The following ANKDD1B variants were observed in gnomAD, a reference collection of about 807,000 sequenced individuals.
ANKDD1B encodes the protein ankyrin repeat and death domain containing 1B, also known as ankyrin repeat and death domain-containing protein 1B.
Under a neutral mutation model 59.7 loss-of-function variants are expected in ANKDD1B, and 57 were observed. That is an observed-to-expected ratio of 0.95 (90% CI 0.77 to 1.19). The LOEUF (loss-of-function observed/expected upper bound fraction) is 1.19. ANKDD1B is among the 50% of genes most tolerant of loss of function. The pLI is 0.00. For missense variants in ANKDD1B, 602 were observed against 641.9 expected (o/e 0.94, Z 0.67); for synonymous variants, 216 against 239.5 (o/e 0.90, Z 0.91).
Position 75,671,688 on chromosome 5 carries a change from A to G in ANKDD1B, c.*648A>G, listed in dbSNP as rs1775489572. ...ATATTACTTAGGAAAGACCAGAAGT[A>G]TGTACACCATTTTTTTTTTTTTTTA... On this transcript the variant is annotated 3_prime_UTR_variant, in exon 14 of 14. Transcript: ENST00000601380. The G allele has an allele frequency of 6.9e-6, 1 of 144,268 alleles. No individual in the cohort carries two copies. 8.9% of individuals were successfully genotyped at this position (144,268 alleles called of 1,614,324 possible).
chr5:75,634,402 A>C (rs143225880), intron 5 of ANKDD1B, among the ~76,000 whole-genome samples: 1 of 152,206 alleles, frequency 6.6e-6, no homozygotes, highest in African/African-American at 2.4e-5. Context: ...ATCTATGAAG[A>C]AGAAAGGAAG....
intron 1 of ANKDD1B, among the ~76,000 whole-genome samples, chr5:75,615,116 A>G (rs1003103378): frequency 4.6e-5 from 7 of 152,186 alleles, no homozygotes; most frequent in Non-Finnish European, 1.0e-4. Flanking sequence ...GAAGAATATG[A>G]AAAAGGGCTA....
chr5:75,648,441 A>G (rs896311719), intron 7 of ANKDD1B, among the ~76,000 whole-genome samples: 30 of 151,878 alleles, frequency 2.0e-4, no homozygotes, highest in African/African-American at 7.0e-4. Context: ...GGCTTACTCC[A>G]TTATTTTGTA....
At chr5:75,669,833 G>A (rs1404257392) in intron 13 of ANKDD1B, among the ~76,000 whole-genome samples, 3 of 152,142 alleles carry the variant, frequency 2.0e-5, no homozygotes, top group East Asian at 1.9e-4. Flanking sequence ...GAGCAGACAG[G>A]CTATTACTTT....
intron 7 of ANKDD1B, among the ~76,000 whole-genome samples, chr5:75,640,439 C>T (rs1774434493): frequency 6.6e-6 from 1 of 152,098 alleles, no homozygotes; most frequent in South Asian, 2.1e-4. Flanking sequence ...TTAACTGTGC[C>T]AAAGCATATA....
At chr5:75,667,025 G>A in intron 12 of ANKDD1B, 32 bp downstream of exon 12, 1 of 1,358,536 alleles carries the variant, frequency 7.4e-7, no homozygotes, top group Non-Finnish European at 9.6e-7. Context: ...TGGGCAGGAG[G>A]AATTCACTGT....
At chr5:75,658,309 C>T (rs922750141) in intron 9 of ANKDD1B, among the ~76,000 whole-genome samples, 1 of 152,200 alleles carries the variant, frequency 6.6e-6, no homozygotes, top group Non-Finnish European at 1.5e-5. Context: ...CATTGCCCAG[C>T]TCTGTGAGTC....
At chr5:75,659,593 A>C (rs755430047) in intron 10 of ANKDD1B, among the ~76,000 whole-genome samples, 1 of 152,236 alleles carries the variant, frequency 6.6e-6, no homozygotes, top group Admixed American at 6.5e-5. Context: ...GTGTTTTTAA[A>C]TTCAAATTCT....
At chr5:75,644,151 A>T (rs1774570974) in intron 7 of ANKDD1B, among the ~76,000 whole-genome samples, 1 of 101,522 alleles carries the variant, frequency 9.9e-6, no homozygotes, top group Non-Finnish European at 1.7e-5. Context: ...TCATGCCAAA[A>T]TGTAAAGACC....
chr5:75,613,827 T>TA (rs1476160419), intron 1 of ANKDD1B, among the ~76,000 whole-genome samples: 1 of 152,146 alleles, frequency 6.6e-6, no homozygotes, highest in Non-Finnish European at 1.5e-5. Flanking sequence ...TGACTGGACT[T>TA]AAAAACGATC....
At chr5:75,662,218 T>G (rs1250666981) in intron 10 of ANKDD1B, among the ~76,000 whole-genome samples, 1 of 152,166 alleles carries the variant, frequency 6.6e-6, no homozygotes, top group Non-Finnish European at 1.5e-5. Context: ...GTGATTCAAA[T>G]GGCTCTGCAA....
At position 75,669,155 on chromosome 5, in the gene ANKDD1B, A is replaced by C. The variant is rs142579812; in HGVS notation, c.1394-97A>C. On this transcript the variant is annotated intron_variant, in intron 12 of 13. Transcript: ENST00000601380. ...TTTTTTCGAAGAGGAACAGGCAAGC[A>C]AACAGTCATTCAGAAAGTTTAGTTG... is the stretch of plus-strand genomic sequence containing the variant. 126 of 1,175,870 alleles carry C rather than the reference A, an allele frequency of 1.1e-4. No individual in the cohort carries two copies. The Middle Eastern group carries it at 1.3e-3, about 12-fold the overall frequency. The allele number at this position is 1,175,870 out of a possible 1,614,324, so 72.8% of individuals were successfully genotyped here.
At position 75,669,278 on chromosome 5, in the gene ANKDD1B, C is replaced by T. The variant is rs1775407051; in HGVS notation, c.1420C>T (p.His474Tyr). 7 of 1,232,186 alleles carry T rather than the reference C, an allele frequency of 5.7e-6. 1 individual carries two copies. The highest frequency in any genetic ancestry group is 7.1e-6 in the Non-Finnish European group (7 of 987,982). The allele number at this position is 1,232,186 out of a possible 1,614,324, so 76.3% of individuals were successfully genotyped here. ...SGNESFREHG[H>Y]RALLIWLHGT... Reference sequence around the variant, plus strand: ...AAATGAAAGCTTCCGTGAACATGGCCACAGGGCTCTGCTTATCTGGCTACA... The same window carrying T: ...AAATGAAAGCTTCCGTGAACATGGCTACAGGGCTCTGCTTATCTGGCTACA... The change falls in exon 13 of 14, where the codon CAC becomes TAC. Residue 474 changes from histidine to tyrosine, a missense_variant. His to Tyr is a moderately conservative substitution (Grantham distance 83). Transcript: ENST00000601380.
Position 75,671,308 on chromosome 5 carries a change from G to A in ANKDD1B, c.*268G>A, listed in dbSNP as rs906856096. 19 of 260,718 alleles carry A rather than the reference G, an allele frequency of 7.3e-5. No individual in the cohort carries two copies. Among genetic ancestry groups the A allele is most frequent in the East Asian group, 4.0e-4 (6 of 15,184 alleles). The allele number at this position is 260,718 out of a possible 1,614,324, so 16.2% of individuals were successfully genotyped here. On this transcript the variant is annotated 3_prime_UTR_variant, in exon 14 of 14. Transcript: ENST00000601380. ...TCCATGTAATAAGATAATCTAGGAC[G>A]GTTTTGTATGTCATGTTTTTTTAAA...
At position 75,625,728 on chromosome 5, in the gene ANKDD1B, C is replaced by T. The variant is rs1362188492; in HGVS notation, c.478C>T (p.Gln160Ter). ...CATGCTGGTTAAAGCTGGAGCAGAC[C>T]AGAGAGCCAAGAATCAGGTAGGTAT... Reference protein sequence around the residue: ...MLMLVKAGADQRAKNQDGMSA... With the variant: ...MLMLVKAGAD The change falls in exon 4 of 14, where the codon CAG becomes TAG. Residue 160 changes from glutamine to a stop codon, truncating the protein, a stop_gained. Transcript: ENST00000601380. LOFTEE classifies it high-confidence loss of function. 16 of 1,536,194 alleles carry T rather than the reference C, an allele frequency of 1.0e-5. No homozygotes were observed. The highest frequency in any genetic ancestry group is 1.4e-5 in the Non-Finnish European group (16 of 1,146,958).
chr5:75,620,213 A>G, intron 2 of ANKDD1B, 102 bp from the exon 3 acceptor site: 1 of 591,406 alleles, frequency 1.7e-6, no homozygotes, highest in Middle Eastern at 3.2e-4. Context: ...AACAATCAAA[A>G]TAGAAACACT....
intron 5 of ANKDD1B, among the ~76,000 whole-genome samples, chr5:75,630,134 G>A (rs1311903769): frequency 1.3e-5 from 2 of 152,110 alleles, no homozygotes; most frequent in African/African-American, 2.4e-5. Flanking sequence ...TCCAAGTAAG[G>A]GAGGTCCTAT....
chr5:75,658,036 GCCT>G (rs1392614990), intron 9 of ANKDD1B, among the ~76,000 whole-genome samples: 4 of 151,194 alleles, frequency 2.6e-5, no homozygotes, highest in Non-Finnish European at 5.9e-5. Context: ...ACATAGTGAG[GCCT>G]CATCGCTAAA....
At chr5:75,639,866 T>C (rs1323914436) in intron 7 of ANKDD1B, among the ~76,000 whole-genome samples, 1 of 152,214 alleles carries the variant, frequency 6.6e-6, no homozygotes, top group Non-Finnish European at 1.5e-5. Context: ...GTCCTTCTAG[T>C]ATTTGTCTTG....
Sources: allele counts gnomAD v4.1 joint callset (sites outside exome capture counted in the v4.1 genomes callset), GRCh38; gene constraint gnomAD v4.1.1; transcripts MANE v1.5; gene names NCBI Gene and HGNC (gene_info 2026-07-23, HGNC 2026-07-21).